Variants in COL14A1 observed in about 807,000 individuals in gnomAD.
The protein encoded by COL14A1 is collagen alpha-1(XIV) chain.
Under a neutral mutation model 230.3 loss-of-function variants are expected in COL14A1, and 136 were observed. The observed-to-expected ratio is 0.59, with a 90% CI of 0.51 to 0.68. COL14A1 has a LOEUF of 0.68. Ranked by LOEUF, COL14A1 falls within the 30% of genes least tolerant of loss-of-function variation. The probability of loss-of-function intolerance (pLI) is 0.00; values close to 1 mark genes in which losing one functional copy is unlikely to be tolerated. For missense variants in COL14A1, 1,976 were observed against 2,215.8 expected, an observed-to-expected ratio of 0.89 and a Z score of 2.17; for synonymous variants, 792 against 784.1, an observed-to-expected ratio of 1.01 and a Z score of -0.17.
chr8:120,275,586 A>G (rs896910879), intron 26 of COL14A1, among the ~76,000 whole-genome samples: 2 of 152,122 alleles, frequency 1.3e-5, no homozygotes, highest in Non-Finnish European at 2.9e-5. Context: ...TATGCATCTG[A>G]CAAAGAACTA....
chr8:120,242,373 T>G (rs1199100167), intron 19 of COL14A1, among the ~76,000 whole-genome samples: 1 of 152,214 alleles, frequency 6.6e-6, no homozygotes, highest in East Asian at 1.9e-4. Context: ...ACACTGCTTT[T>G]TAGTATTCCA....
chr8:120,247,047 G>A (rs1277264934), intron 20 of COL14A1, among the ~76,000 whole-genome samples: 1 of 152,120 alleles, frequency 6.6e-6, no homozygotes, highest in African/African-American at 2.4e-5. Flanking sequence ...ATTAACTGAT[G>A]AATAGGGAAT....
chr8:120,250,542 A>C, intron 21 of COL14A1, 75 bp from the exon 22 acceptor site: 1 of 1,502,370 alleles, frequency 6.7e-7, no homozygotes, highest in South Asian at 1.1e-5. Flanking sequence ...AGTCAAGTGA[A>C]TACAATTTGA....
chr8:120,224,307 G>T (rs1023253451), intron 14 of COL14A1, among the ~76,000 whole-genome samples: 1 of 152,162 alleles, frequency 6.6e-6, no homozygotes, highest in East Asian at 1.9e-4. Context: ...GATTGCAGGC[G>T]TGTAATCGTG....
chr8:120,162,666 T>A (rs2130546517), intron 4 of COL14A1, 97 bp downstream of exon 4: 1 of 1,130,370 alleles, frequency 8.8e-7, no homozygotes. Context: ...AATTCTAGAT[T>A]TTTCAGATTT....
intron 36 of COL14A1, among the ~76,000 whole-genome samples, chr8:120,306,028 A>T (rs1820849496): frequency 6.6e-6 from 1 of 152,130 alleles, no homozygotes; most frequent in Admixed American, 6.5e-5. Context: ...AGATGTCTTG[A>T]TTATTATTAT....
chr8:120,144,647 A>G (rs1815026682), intron 1 of COL14A1, among the ~76,000 whole-genome samples: 1 of 152,180 alleles, frequency 6.6e-6, no homozygotes, highest in Non-Finnish European at 1.5e-5. Context: ...ACTAACCTAT[A>G]CAGTAAGAAA....
chr8:120,267,018 C>T (rs28728283), intron 25 of COL14A1, 135 bp downstream of exon 25: 1 of 722,132 alleles, frequency 1.4e-6, no homozygotes, highest in Admixed American at 2.3e-5. Flanking sequence ...AATACAAATG[C>T]TTATCAACCA....
chr8:120,367,773 C>CA (rs111378344), intron 46 of COL14A1, among the ~76,000 whole-genome samples: 2,087 of 139,584 alleles, frequency 0.015, 45 homozygotes, highest in African/African-American at 0.048. Context: ...CCATTTCTAC[C>CA]AAAAAAAAAA....
Position 120,205,854 on chromosome 8 carries a change from G to A in COL14A1, c.1040-1089G>A, listed in dbSNP as rs549955522. ...ATTGAGATTATTAAAGTCCCTTTGA[G>A]TAAGTGCTCTTAAAGGGTGAGAAAT... On this transcript the variant is annotated intron_variant, in intron 9 of 47. Transcript: ENST00000297848. Among the ~76,000 whole-genome samples, 6 of 152,268 alleles carry A rather than the reference G, an allele frequency of 3.9e-5. No individual in the cohort carries two copies. In the South Asian group the frequency reaches 1.2e-3, roughly 32 times the overall value.
chr8:120,187,098 G>A, intron 5 of COL14A1, among the ~76,000 whole-genome samples: 1 of 152,282 alleles, frequency 6.6e-6, no homozygotes, highest in South Asian at 2.1e-4. Context: ...GTTATCTTCT[G>A]TCAGCTCCGT....
rs570996326 is a variant in COL14A1 at position 120,350,548 on chromosome 8, C to T, written c.5077+4985C>T. Among the ~76,000 whole-genome samples, 606 of 150,902 alleles carry T rather than the reference C, an allele frequency of 4.0e-3. 4 individuals carry two copies. The highest frequency in any genetic ancestry group is 0.014 in the African/African-American group (569 of 40,842). On this transcript the variant is annotated intron_variant, in intron 45 of 47. Coordinates refer to ENST00000297848, the MANE Select transcript of COL14A1 (RefSeq NM_021110.4). ...AATAAAAGGATGGAGGAAGATCTAC[C>T]AAGCCAATGGAAAACAAAAAAAGGC...
chr8:120,249,337 C>T (rs1184442011), intron 21 of COL14A1, among the ~76,000 whole-genome samples: 1 of 152,066 alleles, frequency 6.6e-6, no homozygotes, highest in Non-Finnish European at 1.5e-5. Context: ...AATACTCCCA[C>T]CTCCAATTTC....
chr8:120,324,932 CT>C (rs1563738389), intron 40 of COL14A1, among the ~76,000 whole-genome samples: 2 of 151,740 alleles, frequency 1.3e-5, no homozygotes, highest in Non-Finnish European at 2.9e-5. Context: ...AAACTATAAA[CT>C]TTTAAAGAGC....
At chr8:120,191,825 T>C (rs1816836360) in intron 5 of COL14A1, among the ~76,000 whole-genome samples, 1 of 152,186 alleles carries the variant, frequency 6.6e-6, no homozygotes, top group Non-Finnish European at 1.5e-5. Flanking sequence ...CTTTTGATCT[T>C]TGATGGTTTA....
chr8:120,266,743 CTGAATATTTA>C, intron 24 of COL14A1, 74 bp from the exon 25 acceptor site: 1 of 1,096,294 alleles, frequency 9.1e-7, no homozygotes, highest in Non-Finnish European at 1.4e-6. Context: ...ATTGACTACC[CTGAATATTTA>C]TTACTCCATG....
At chr8:120,170,779 C>T (rs1243845627) in intron 5 of COL14A1, among the ~76,000 whole-genome samples, 1 of 151,624 alleles carries the variant, frequency 6.6e-6, no homozygotes, top group Non-Finnish European at 1.5e-5. Context: ...CAATATTCAC[C>T]TCAAGGACTA....
chr8:120,209,965 TA>T, intron 12 of COL14A1, 64 bp downstream of exon 12: 1 of 1,231,078 alleles, frequency 8.1e-7, no homozygotes, highest in Non-Finnish European at 1.0e-6. Flanking sequence ...ATAAAATTTT[TA>T]TTGTAAAAAT....
intron 26 of COL14A1, among the ~76,000 whole-genome samples, chr8:120,275,727 A>G (rs1819818574): frequency 6.6e-6 from 1 of 152,100 alleles, no homozygotes; most frequent in Admixed American, 6.6e-5. Flanking sequence ...AACATATGGA[A>G]AAATGCTCAA....
Sources: gnomAD v4.1 joint callset for allele counts (sites outside exome capture counted in the v4.1 genomes callset) on GRCh38, gnomAD v4.1.1 for gene constraint, MANE v1.5 for transcripts, NCBI Gene and HGNC (gene_info 2026-07-23, HGNC 2026-07-21) for gene names.